The following PLEKHH1 variants were observed in gnomAD, a reference collection of about 807,000 sequenced individuals.
PLEKHH1 encodes pleckstrin homology domain-containing family H member 1.
In PLEKHH1, 104 loss-of-function variants were observed where a neutral mutation model predicts 160.0. The observed-to-expected ratio is 0.65, with a 90% CI of 0.55 to 0.76. PLEKHH1 has a LOEUF of 0.76. Ranked by LOEUF, PLEKHH1 falls within the 30% of genes least tolerant of loss-of-function variation. The probability of loss-of-function intolerance (pLI) is 0.00; values close to 1 mark genes in which losing one functional copy is unlikely to be tolerated. For synonymous variants in PLEKHH1, 619 were observed against 678.4 expected, an observed-to-expected ratio of 0.91 and a Z score of 1.36; for missense variants, 1,427 against 1,724.1, an observed-to-expected ratio of 0.83 and a Z score of 3.05.
chr14:67,559,869 G>A (rs1018149769), intron 5 of PLEKHH1, among the ~76,000 whole-genome samples, 178 bp downstream of exon 5: 6 of 152,044 alleles, frequency 3.9e-5, no homozygotes, highest in African/African-American at 1.5e-4. Flanking sequence ...CTTTCCTTTT[G>A]TCTTGGTTGG....
At chr14:67,541,628 A>G (rs1157351975) in intron 1 of PLEKHH1, among the ~76,000 whole-genome samples, 2 of 152,204 alleles carry the variant, frequency 1.3e-5, no homozygotes, top group Non-Finnish European at 2.9e-5. Context: ...TGAGGCTCTC[A>G]GCTAACTTAC....
In PLEKHH1 at chr14:67,579,286, T is replaced by A; in HGVS notation, c.3002T>A (p.Val1001Glu). 1 of 1,562,050 alleles carries A rather than the reference T, an allele frequency of 6.4e-7. No individual in the cohort carries two copies. ...CACTCCTTGCCCTTCAGCATCCCCG[T>A]GCACTTTACCAACGGGACTTACCAT... ...FHHSLPFSIPVHFTNGTYHVV... is the reference protein window; with the variant it reads ...FHHSLPFSIPEHFTNGTYHVV... The change falls in exon 21 of 29, where the codon GTG (valine) becomes GAG (glutamate). Residue 1001 changes from valine (V) to glutamate (E), a missense_variant. This residue lies in a region of PLEKHH1 where 436 missense variants were observed against 607.5 expected (regional missense o/e 0.72). Coordinates refer to ENST00000329153, the MANE Select transcript of PLEKHH1 (RefSeq NM_020715.3).
intron 7 of PLEKHH1, among the ~76,000 whole-genome samples, chr14:67,568,457 G>C (rs1010563418): frequency 6.6e-6 from 1 of 152,108 alleles, no homozygotes; most frequent in Admixed American, 6.6e-5. Context: ...GATGGTGGCG[G>C]TGGGGGAGTA....
rs11846504 is a variant in PLEKHH1 at position 67,582,516 on chromosome 14, A to G, written c.3426+306A>G. On this transcript the variant is annotated intron_variant, in intron 24 of 28. Coordinates refer to ENST00000329153, the MANE Select transcript of PLEKHH1 (RefSeq NM_020715.3). This position sits in a 1 kb window ranked among gnomAD's most constrained non-coding sequence, Gnocchi z 5.0. ...TCTATGCTTTAGTTTCCTTCTCAGT[A>G]TACCAAAATAAAAAATACTTGGCCG... is the stretch of plus-strand genomic sequence containing the variant. 8.4e-3 allele frequency among the ~76,000 whole-genome samples: 1,273 copies of G among 152,246 alleles called. 29 individuals are homozygous for G. Among genetic ancestry groups the G allele is most frequent in the African/African-American group, 0.029 (1,207 of 41,526 alleles).
At position 67,569,029 on chromosome 14, in the gene PLEKHH1, C is replaced by T. The variant is rs2035242041; in HGVS notation, c.1264-109C>T. The T allele has an allele frequency of 2.4e-5, 16 of 668,000 alleles. No homozygotes were observed. In the South Asian group the frequency reaches 2.7e-4, roughly 11 times the overall value. The allele number at this position is 668,000 out of a possible 1,614,324, so 41.4% of individuals were successfully genotyped here. ...CAAGATTTGTTAGCCAGTCACTGCC[C>T]CCCACAGGTCTGCCCACCCCCAAAG... On this transcript the variant is annotated intron_variant, in intron 7 of 28. Coordinates refer to ENST00000329153, the MANE Select transcript of PLEKHH1 (RefSeq NM_020715.3).
At chr14:67,542,105 C>CCCCATAT in intron 2 of PLEKHH1, 112 bp downstream of exon 2, 1 of 1,010,568 alleles carries the variant, frequency 9.9e-7, no homozygotes, top group Non-Finnish European at 1.4e-6. Context: ...AGATGCTTTT[C>CCCCATAT]CCCATATGCA....
Position 67,582,246 on chromosome 14 carries a change from G to A in PLEKHH1, c.3426+36G>A. On this transcript the variant is annotated intron_variant, in intron 24 of 28. Coordinates refer to ENST00000329153, the MANE Select transcript of PLEKHH1 (RefSeq NM_020715.3). This position sits in a 1 kb window ranked among gnomAD's most constrained non-coding sequence, Gnocchi z 5.0. Reference sequence around the variant, plus strand: ...GTTCAGGAAGCAGGAGGGTCGGGTTGCCAGCTTAGAATGAATGCACCATGC... The same window carrying A: ...GTTCAGGAAGCAGGAGGGTCGGGTTACCAGCTTAGAATGAATGCACCATGC... 2 of 1,612,894 alleles carry A rather than the reference G, an allele frequency of 1.2e-6. No homozygotes were observed. Among genetic ancestry groups the A allele is most frequent in the Non-Finnish European group, 8.5e-7 (1 of 1,179,748 alleles).
chr14:67,566,568 A>G (rs1229157100), intron 7 of PLEKHH1, among the ~76,000 whole-genome samples: 4 of 152,122 alleles, frequency 2.6e-5, no homozygotes, highest in Non-Finnish European at 5.9e-5. Context: ...AACACGGCGA[A>G]ACCCCATGTC....
intron 2 of PLEKHH1, among the ~76,000 whole-genome samples, chr14:67,547,923 C>T (rs1433918430): frequency 6.6e-6 from 1 of 152,196 alleles, no homozygotes; most frequent in East Asian, 1.9e-4. Context: ...TGTGCCTTTG[C>T]TGTTACACCT....
intron 4 of PLEKHH1, among the ~76,000 whole-genome samples, chr14:67,558,122 G>A (rs1377304531): frequency 6.6e-6 from 1 of 152,212 alleles, no homozygotes; most frequent in Non-Finnish European, 1.5e-5. Context: ...CTACCTGCCA[G>A]TTCCTGTGTC....
Position 67,587,186 on chromosome 14 carries a change from A to C in PLEKHH1, c.4046A>C (p.Gln1349Pro), listed in dbSNP as rs2036213424. The C allele has an allele frequency of 6.2e-7, 1 of 1,613,828 alleles. No homozygotes were observed. The highest frequency in any genetic ancestry group is 1.3e-5 in the African/African-American group (1 of 75,028). Residue 1349 changes from glutamine (Q) to proline (P), a missense_variant, in exon 29 of 29, where the codon CAG (glutamine) becomes CCG (proline). Transcript: ENST00000329153. ...ACQLWELDGRQFFSSVSCATK... is the reference protein window; with the variant it reads ...ACQLWELDGRPFFSSVSCATK... The stretch of plus-strand genomic sequence containing the variant: ...CAGCTGTGGGAACTGGATGGACGAC[A>C]GTTCTTTTCTTCTGTTTCCTGTGCT...
intron 7 of PLEKHH1, among the ~76,000 whole-genome samples, chr14:67,566,299 C>T (rs1420653805): frequency 6.9e-6 from 1 of 145,506 alleles, no homozygotes; most frequent in African/African-American, 2.5e-5. Context: ...ACTGGTCCCC[C>T]TGGGCTGCTG....
rs781617707 is a variant in PLEKHH1, at chr14:67,575,993, C to A, written c.2340C>A (p.Thr780=). The change falls in exon 16 of 29, where the codon ACC becomes ACA. Residue 780 remains threonine (T), a synonymous_variant. Coordinates refer to ENST00000329153, the MANE Select transcript of PLEKHH1 (RefSeq NM_020715.3). ...EHSPTYLLIG[T]KHEKDTWLYH... ...GCCCCACCTACCTCCTCATTGGCAC[C>A]AAGCATGAAAAGGTAAGGAAGAGGG... 2.5e-5 allele frequency: 40 copies of A among 1,611,372 alleles called. 1 individual carries two copies. In the Middle Eastern group the frequency reaches 9.9e-4, roughly 40 times the overall value.
At chr14:67,553,120 G>A (rs994207790) in intron 2 of PLEKHH1, among the ~76,000 whole-genome samples, 1 of 152,014 alleles carries the variant, frequency 6.6e-6, no homozygotes, top group Non-Finnish European at 1.5e-5. Context: ...AGCAAGACAA[G>A]TTTTTCCATC....
rs762677155 is a variant in PLEKHH1, at chr14:67,587,134, C to G, written c.3994C>G (p.Pro1332Ala). Residue 1332 changes from proline (P) to alanine (A), a missense_variant, in exon 29 of 29, where the codon CCC (proline) becomes GCC (alanine). Around this residue, in one of 6 missense-constraint regions of PLEKHH1, gnomAD observed 96 missense variants for 97.6 expected, o/e 0.98. Coordinates refer to ENST00000329153, the MANE Select transcript of PLEKHH1 (RefSeq NM_020715.3). ...YMNHCTTTVN[P>A]PTNPPGACQL... is the part of the protein sequence containing the mutation. ...GAACCATTGCACTACAACTGTGAAC[C>G]CCCCCACCAACCCACCCGGAGCCTG... is the stretch of plus-strand genomic sequence containing the variant. 30 of 1,613,762 alleles carry G rather than the reference C, an allele frequency of 1.9e-5. No homozygotes were observed. Among genetic ancestry groups the G allele is most frequent in the Non-Finnish European group, 2.3e-5 (27 of 1,179,860 alleles).
rs762542058 is a variant in PLEKHH1 at position 67,585,674 on chromosome 14, G to T, written c.3786+20G>T. 4.7e-6 allele frequency: 7 copies of T among 1,482,302 alleles called. No individual in the cohort carries two copies. The highest frequency in any genetic ancestry group is 1.2e-5 in the South Asian group (1 of 82,954). 91.8% of individuals were successfully genotyped at this position (1,482,302 alleles called of 1,614,324 possible). ...ACTATGGTATGAAAGGATGCAGGCT[G>T]CTCCCTGACCCCTCCTCTTCCTCAA... On this transcript the variant is annotated intron_variant, in intron 27 of 28. Transcript: ENST00000329153.
chr14:67,578,421 G>A lies in PLEKHH1; in HGVS notation c.2752-113G>A. On this transcript the variant is annotated intron_variant, in intron 19 of 28. Transcript: ENST00000329153. The surrounding 1 kb of genome is among the most constrained non-coding windows in gnomAD (Gnocchi z 5.0). ...TTGGCCATCCCAGCACCCAGAGCAAGTTGGGGGCTCTGGTTTGGGGAAAGA... is the reference window on the plus strand; with the variant it reads ...TTGGCCATCCCAGCACCCAGAGCAAATTGGGGGCTCTGGTTTGGGGAAAGA... 1 of 864,554 alleles carries A rather than the reference G, an allele frequency of 1.2e-6. No homozygotes were observed. The highest frequency in any genetic ancestry group is 1.5e-5 in the South Asian group (1 of 67,632). The allele number at this position is 864,554 out of a possible 1,614,324, so 53.6% of individuals were successfully genotyped here.
In PLEKHH1 at chr14:67,569,162, A is replaced by G. The variant is rs3825725; in HGVS notation, c.1288A>G (p.Thr430Ala). 430,196 of 1,607,740 alleles carry G rather than the reference A, an allele frequency of 0.27. 59,298 individuals are homozygous for G. The highest frequency in any genetic ancestry group is 0.29 in the Non-Finnish European group (334,856 of 1,174,764). ...GGAGAGCCGGATCTATGCTGTGGCC[A>G]CATCGGGCATGCGGCTCTCAGATAT... ...SWESRIYAVA[T>A]SGMRLSDMSP... The change falls in exon 8 of 29, where the codon ACA (threonine) becomes GCA (alanine). Residue 430 changes from threonine to alanine, a missense_variant. By Grantham distance (58) the Thr-to-Ala change is moderately conservative (BLOSUM62 0). Coordinates refer to ENST00000329153, the MANE Select transcript of PLEKHH1 (RefSeq NM_020715.3).
chr14:67,572,177 TC>T lies in PLEKHH1; in HGVS notation c.1634del (p.Pro545ArgfsTer42). 1.2e-6 allele frequency: 2 copies of T among 1,606,124 alleles called. No homozygotes were observed. Among genetic ancestry groups the T allele is most frequent in the Non-Finnish European group, 1.7e-6 (2 of 1,176,676 alleles). ...SSLSSEGDYAIPPDACSLDSD... is the reference protein window; with the variant it reads ...SSLSSEGDYAXPPDACSLDSD... ...CTGAGCTCCGAGGGTGACTACGCCA[TC>T]CCCCCGGACGCCTGCTCACTGGACA... On this transcript the variant is annotated frameshift_variant, in exon 11 of 29. Transcript: ENST00000329153. LOFTEE classifies it high-confidence loss of function.
Sources: gnomAD v4.1 joint callset for allele counts (sites outside exome capture counted in the v4.1 genomes callset) on GRCh38, gnomAD v4.1.1 for gene constraint, gnomAD v4.1.1 regional missense constraint, Gnocchi (gnomAD v3.1) non-coding constraint, MANE v1.5 for transcripts, NCBI Gene and HGNC (gene_info 2026-07-23, HGNC 2026-07-21) for gene names.